Variants in PLAG1 observed in about 807,000 individuals in gnomAD.
PLAG1 encodes PLAG1 zinc finger.
In PLAG1, 7 loss-of-function variants were observed where a neutral mutation model predicts 35.5. The ratio of observed to expected loss-of-function variants is 0.20; its 90% CI spans 0.11 to 0.37. The LOEUF is 0.37. Among genes scored for constraint, PLAG1 ranks in the 10% least tolerant of loss-of-function variants. The pLI, the probability that PLAG1 is intolerant of heterozygous loss-of-function variation, is 1.00. For synonymous variants in PLAG1, 229 were observed against 225.4 expected, an observed-to-expected ratio of 1.02 and a Z score of -0.14; for missense variants, 454 against 602.8, an observed-to-expected ratio of 0.75 and a Z score of 2.58.
Position 56,166,334 on chromosome 8 carries a change from C to T in PLAG1, c.1412G>A (p.Gly471Glu), listed in dbSNP as rs1811350900. 3 of 1,613,628 alleles carry T rather than the reference C, an allele frequency of 1.9e-6. No homozygotes were observed. The highest frequency in any genetic ancestry group is 1.1e-5 in the South Asian group (1 of 91,056). The change falls in exon 5 of 5, where the codon GGG becomes GAG. Residue 471 changes from glycine (G) to glutamate (E), a missense_variant. By Grantham distance (98) the Gly-to-Glu change is moderately conservative. Transcript: ENST00000316981. ...TGACAGTGAGTGCAGAGACCCAAGC[C>T]CTATAGTGTTTGCAGGATCCTGAAG... is the stretch of plus-strand genomic sequence containing the variant. ...QDLQDPANTI[G>E]LGSLHSLSAA...
intron 1 of PLAG1, among the ~76,000 whole-genome samples, chr8:56,199,667 C>A (rs997230591): frequency 2.0e-5 from 3 of 152,072 alleles, no homozygotes; most frequent in Non-Finnish European, 4.4e-5. Context: ...GTATACAGCC[C>A]TGGGGCCCAG....
rs1563370316 is a variant in PLAG1, at chr8:56,164,070, A to G, written c.*2173T>C. ...AGCGAAAAGCCTACTTTCAGAAAAA[A>G]TATTCTCCTAATCAAAAGCTAGGAG... On this transcript the variant is annotated 3_prime_UTR_variant, in exon 5 of 5. Transcript: ENST00000316981. 1 of 186,492 alleles carries G rather than the reference A, an allele frequency of 5.4e-6. No homozygotes were observed. The highest frequency in any genetic ancestry group is 1.1e-5 in the Non-Finnish European group (1 of 87,936). 11.6% of individuals were successfully genotyped at this position (186,492 alleles called of 1,614,324 possible). A position where few individuals can be genotyped will look rare whatever the true frequency, so the allele number is the denominator to read the frequency against.
intron 1 of PLAG1, among the ~76,000 whole-genome samples, chr8:56,181,845 T>C (rs897407248): frequency 5.9e-5 from 9 of 152,206 alleles, no homozygotes; most frequent in Admixed American, 2.0e-4. Flanking sequence ...TATAAAAAAG[T>C]ACCACAGAAG....
At chr8:56,183,094 C>T (rs1159589041) in intron 1 of PLAG1, among the ~76,000 whole-genome samples, 2 of 152,094 alleles carry the variant, frequency 1.3e-5, no homozygotes, top group African/African-American at 4.8e-5. Context: ...CAGGAGTGTC[C>T]AGGGTATCCT....
intron 1 of PLAG1, among the ~76,000 whole-genome samples, chr8:56,201,939 T>A (rs2129234515): frequency 6.6e-6 from 1 of 150,498 alleles, no homozygotes; most frequent in Non-Finnish European, 1.5e-5. Flanking sequence ...CTTTTAAACA[T>A]AAACAGTTTC....
intron 1 of PLAG1, among the ~76,000 whole-genome samples, chr8:56,196,598 C>T (rs575175755): frequency 1.2e-3 from 183 of 151,946 alleles, no homozygotes; most frequent in Non-Finnish European, 2.2e-3. Flanking sequence ...TGGGTGGCAC[C>T]GCGAGCGTTT....
intron 1 of PLAG1, among the ~76,000 whole-genome samples, chr8:56,192,590 ATC>A (rs1238450083): frequency 9.2e-5 from 14 of 152,258 alleles, no homozygotes; most frequent in Admixed American, 3.9e-4. Context: ...AGAAGGAAAT[ATC>A]TGTTAGTTTT....
At chr8:56,180,680 C>A (rs1167693035) in intron 1 of PLAG1, among the ~76,000 whole-genome samples, 1 of 152,186 alleles carries the variant, frequency 6.6e-6, no homozygotes, top group Non-Finnish European at 1.5e-5. Context: ...CAGTATTCTG[C>A]ATATGGCTAG....
intron 1 of PLAG1, among the ~76,000 whole-genome samples, chr8:56,201,538 T>C (rs1409801337): frequency 6.6e-6 from 1 of 152,202 alleles, no homozygotes; most frequent in Admixed American, 6.5e-5. Flanking sequence ...GTCAACTCTA[T>C]GCCTGAAATC....
rs1225370309 is a variant in PLAG1 at position 56,183,753 on chromosome 8, T to C, written c.-321-4240A>G. Among the ~76,000 whole-genome samples the C allele has an allele frequency of 2.0e-5, 3 of 149,276 alleles. No individual in the cohort carries two copies. In the East Asian group the frequency reaches 6.0e-4, roughly 30 times the overall value. On this transcript the variant is annotated intron_variant, in intron 1 of 4. Coordinates refer to ENST00000316981, the MANE Select transcript of PLAG1 (RefSeq NM_002655.3). Reference sequence around the variant, plus strand: ...CCAAAAATAATGTTTTTTTAACAAATGCTGCTGGAAAAGTTTGATATCTAC... The same window carrying C: ...CCAAAAATAATGTTTTTTTAACAAACGCTGCTGGAAAAGTTTGATATCTAC...
At chr8:56,189,516 A>G (rs913905290) in intron 1 of PLAG1, among the ~76,000 whole-genome samples, 3 of 152,222 alleles carry the variant, frequency 2.0e-5, no homozygotes, top group African/African-American at 7.2e-5. Flanking sequence ...TCAAGGTATC[A>G]TGGTGAACAC....
intron 2 of PLAG1, among the ~76,000 whole-genome samples, chr8:56,176,373 C>A (rs1811696219): frequency 6.9e-6 from 1 of 145,530 alleles, no homozygotes. Flanking sequence ...TTCTAATGAT[C>A]CACAACTTAG....
Position 56,163,646 on chromosome 8 carries a change from G to A in PLAG1, c.*2597C>T. 1 of 193,834 alleles carries A rather than the reference G, an allele frequency of 5.2e-6. No individual in the cohort carries two copies. Among genetic ancestry groups the A allele is most frequent in the East Asian group, 8.0e-5 (1 of 12,506 alleles). The allele number at this position is 193,834 out of a possible 1,614,324, so 12.0% of individuals were successfully genotyped here. ...TCCATGTATTTGAATTTCATGCAGG[G>A]CAAGATTTAAGTATGTGTGTGTGTG... On this transcript the variant is annotated 3_prime_UTR_variant, in exon 5 of 5. Coordinates refer to ENST00000316981, the MANE Select transcript of PLAG1 (RefSeq NM_002655.3).
chr8:56,163,458 A>G lies in PLAG1; in HGVS notation c.*2785T>C, dbSNP rs1811265823. ...CTCATCTTTAATAGAAATTCTCTCAAAAAGGGTTTAGTGACCACTACAGTC... is the reference window on the plus strand; with the variant it reads ...CTCATCTTTAATAGAAATTCTCTCAGAAAGGGTTTAGTGACCACTACAGTC... On this transcript the variant is annotated 3_prime_UTR_variant, in exon 5 of 5. Coordinates refer to ENST00000316981, the MANE Select transcript of PLAG1 (RefSeq NM_002655.3). The G allele has an allele frequency of 5.0e-6, 1 of 199,192 alleles. No individual in the cohort carries two copies. The highest frequency in any genetic ancestry group is 2.3e-5 in the African/African-American group (1 of 43,418). The allele number at this position is 199,192 out of a possible 1,614,324, so 12.3% of individuals were successfully genotyped here.
At chr8:56,206,669 T>C (rs1021739986) in intron 1 of PLAG1, among the ~76,000 whole-genome samples, 4 of 151,996 alleles carry the variant, frequency 2.6e-5, no homozygotes, top group African/African-American at 7.2e-5. Context: ...TTTCCATGAC[T>C]ACCTAAACAC....
rs1811234568 is a variant in PLAG1 at position 56,162,572 on chromosome 8, C to G, written c.*3671G>C. The G allele has an allele frequency of 4.7e-6, 1 of 210,628 alleles. No homozygotes were observed. Among genetic ancestry groups the G allele is most frequent in the Non-Finnish European group, 9.6e-6 (1 of 103,634 alleles). The allele number at this position is 210,628 out of a possible 1,614,324, so 13.0% of individuals were successfully genotyped here. A position where few individuals can be genotyped will look rare whatever the true frequency, so the allele number is the denominator to read the frequency against. ...TAAGTCTTAAAATAAAAGGCATAAC[C>G]TATAAGAAAGTTTCTGTAAAGGTTT... is the stretch of plus-strand genomic sequence containing the variant. On this transcript the variant is annotated 3_prime_UTR_variant, in exon 5 of 5. Coordinates refer to ENST00000316981, the MANE Select transcript of PLAG1 (RefSeq NM_002655.3).
intron 1 of PLAG1, among the ~76,000 whole-genome samples, chr8:56,208,040 CACGATAATCTAAT>C (rs1812745332): frequency 6.6e-6 from 1 of 152,082 alleles, no homozygotes; most frequent in Non-Finnish European, 1.5e-5. Context: ...ACCTGAATAA[CACGATAATCTAAT>C]ATAACTTGAA....
At chr8:56,184,180 T>C (rs890903611) in intron 1 of PLAG1, among the ~76,000 whole-genome samples, 1 of 151,976 alleles carries the variant, frequency 6.6e-6, no homozygotes, top group Non-Finnish European at 1.5e-5. Context: ...GAGCAAAAGA[T>C]CTGATCAGAC....
At chr8:56,198,031 T>C (rs1486565663) in intron 1 of PLAG1, among the ~76,000 whole-genome samples, 2 of 152,188 alleles carry the variant, frequency 1.3e-5, no homozygotes, top group East Asian at 1.9e-4. Context: ...CTGGAACTCA[T>C]GTCGTCCCAG....
Sources: allele counts gnomAD v4.1 joint callset (sites outside exome capture counted in the v4.1 genomes callset), GRCh38; gene constraint gnomAD v4.1.1; transcripts MANE v1.5; gene names NCBI Gene and HGNC (gene_info 2026-07-23, HGNC 2026-07-21).